USP9Y: variants seen among roughly 807,000 people sequenced by gnomAD.
The protein encoded by USP9Y is ubiquitin carboxyl-terminal hydrolase 9Y.
A neutral mutation model predicts 53.1 loss-of-function variants in USP9Y; 41 were observed. The ratio of observed to expected loss-of-function variants is 0.77; its 90% CI spans 0.60 to 1.00. The LOEUF is 1.00. Among genes scored for constraint, USP9Y ranks in the 50% least tolerant of loss-of-function variants. The pLI is 0.00. For synonymous variants in USP9Y, 220 were observed against 173.7 expected, an observed-to-expected ratio of 1.27 and a Z score of -2.09; for missense variants, 567 against 535.8, an observed-to-expected ratio of 1.06 and a Z score of -0.58.
intron 33 of USP9Y, among the ~76,000 whole-genome samples, chrY:12,828,004 C>T: frequency 3.0e-5 from 1 of 32,869 alleles, no homozygotes; most frequent in Non-Finnish European, 7.4e-5. Context: ...CAGCTGATAA[C>T]ACACTGCAGA....
At chrY:12,858,357 A>G (rs2053579786) in intron 45 of USP9Y, among the ~76,000 whole-genome samples, 1 of 30,673 alleles carries the variant, frequency 3.3e-5, no homozygotes, top group South Asian at 7.6e-4. Context: ...TTTTTGAGAG[A>G]GTCTCACCCT....
intron 33 of USP9Y, among the ~76,000 whole-genome samples, chrY:12,820,032 C>A (rs2053539645): frequency 3.1e-5 from 1 of 32,179 alleles, no homozygotes; most frequent in Admixed American, 2.8e-4. Context: ...CTACCTGGGA[C>A]GCTGAGGCAG....
intron 6 of USP9Y, 38 bp from the exon 7 acceptor site, chrY:12,726,534 GTTC>G (rs778847418): frequency 3.1e-6 from 1 of 320,839 alleles, no homozygotes; most frequent in Non-Finnish European, 4.7e-6. Context: ...ATTGCAATGT[GTTC>G]TTATTATAAA....
At chrY:12,716,634 C>T (rs2053430876) in intron 3 of USP9Y, among the ~76,000 whole-genome samples, 1 of 33,428 alleles carries the variant, frequency 3.0e-5, no homozygotes, top group African/African-American at 1.2e-4. Flanking sequence ...GGCGGAGTCT[C>T]GCTCTGTTGC....
rs1475354375 is a variant in USP9Y at position 12,856,855 on chromosome Y, A to G, written c.7434+10A>G. 2.6e-6 allele frequency: 1 copy of G among 381,563 alleles called. No homozygotes were observed. The highest frequency in any genetic ancestry group is 3.1e-5 in the South Asian group (1 of 32,077). ...ACTCTGTCCAGAAGAGGTAAAAAAA[A>G]AAAAGGCTACCAATGGACAGCAGAT... is the stretch of plus-strand genomic sequence containing the variant. On this transcript the variant is annotated intron_variant, in intron 44 of 45. Transcript: ENST00000338981.
chrY:12,778,668 C>G lies in USP9Y; in HGVS notation c.2943C>G (p.Ser981=). 1 of 396,282 alleles carries G rather than the reference C, an allele frequency of 2.5e-6. No individual in the cohort carries two copies. Among genetic ancestry groups the G allele is most frequent in the Non-Finnish European group, 3.6e-6 (1 of 281,392 alleles). The change falls in exon 21 of 46, where the codon TCC becomes TCG. Residue 981 remains serine, a synonymous_variant. Transcript: ENST00000338981. ...TGCCATCAAGTCCTGATAGCTCTTCCGATTCCTCAACTGCATCTCCTGGAA... is the reference window on the plus strand; with the variant it reads ...TGCCATCAAGTCCTGATAGCTCTTCGGATTCCTCAACTGCATCTCCTGGAA... ...FNMPSSPDSS[S]DSSTASPGNH... is the part of the protein sequence containing the mutation.
At chrY:12,729,667 C>G in intron 7 of USP9Y, among the ~76,000 whole-genome samples, 1 of 32,602 alleles carries the variant, frequency 3.1e-5, no homozygotes, top group South Asian at 6.9e-4. Flanking sequence ...GTCTTGAACT[C>G]CTGAGCTCAA....
chrY:12,705,490 A>AT (rs1489124399), intron 1 of USP9Y, among the ~76,000 whole-genome samples: 9 of 26,327 alleles, frequency 3.4e-4, no homozygotes, highest in Non-Finnish European at 6.5e-4. Flanking sequence ...TTCCTTGTTG[A>AT]TTTTTTTTTT....
chrY:12,729,304 GCATCT>G (rs2053445356), intron 7 of USP9Y, among the ~76,000 whole-genome samples: 1 of 34,175 alleles, frequency 2.9e-5, no homozygotes, highest in East Asian at 7.7e-4. Flanking sequence ...AGCTTTTGCC[GCATCT>G]CATAAGTTTG....
intron 15 of USP9Y, 88 bp from the exon 16 acceptor site, chrY:12,770,980 G>A (rs974526900): frequency 4.9e-6 from 1 of 203,086 alleles, no homozygotes; most frequent in Non-Finnish European, 8.8e-6. Flanking sequence ...TAATGAGAAT[G>A]ATTATTAACT....
In USP9Y at chrY:12,841,145, T is replaced by C; in HGVS notation, c.6212+12T>C. 2.5e-6 allele frequency: 1 copy of C among 394,827 alleles called. No individual in the cohort carries two copies. The highest frequency in any genetic ancestry group is 3.6e-6 in the Non-Finnish European group (1 of 280,510). ...CCTGCCAGTGACTGGTACATGGTTTTGGATTTCATTCTTATAGTACTTATA... is the reference window on the plus strand; with the variant it reads ...CCTGCCAGTGACTGGTACATGGTTTCGGATTTCATTCTTATAGTACTTATA... On this transcript the variant is annotated intron_variant, in intron 37 of 45. Transcript: ENST00000338981.
At chrY:12,804,167 C>T (rs2053521690) in intron 27 of USP9Y, among the ~76,000 whole-genome samples, 1 of 33,334 alleles carries the variant, frequency 3.0e-5, no homozygotes, top group Non-Finnish European at 7.4e-5. Flanking sequence ...TTACTATTCC[C>T]TTTTGTGGTT....
At chrY:12,764,691 C>T in intron 15 of USP9Y, among the ~76,000 whole-genome samples, 1 of 33,290 alleles carries the variant, frequency 3.0e-5, no homozygotes, top group African/African-American at 1.2e-4. Context: ...TAAAAGGAAA[C>T]TTTAGGTAAA....
intron 35 of USP9Y, 26 bp from the exon 36 acceptor site, chrY:12,839,838 T>A: frequency 2.6e-6 from 1 of 387,132 alleles, no homozygotes; most frequent in African/African-American, 6.4e-5. Context: ...AAGAGAACAT[T>A]TGTTTATATT....
At chrY:12,769,438 G>T in intron 15 of USP9Y, among the ~76,000 whole-genome samples, 1 of 33,905 alleles carries the variant, frequency 2.9e-5, no homozygotes, top group Non-Finnish European at 7.3e-5. Flanking sequence ...AAGTGTGAAC[G>T]TTACAAGGTC....
intron 33 of USP9Y, among the ~76,000 whole-genome samples, chrY:12,829,765 A>G: frequency 3.0e-5 from 1 of 33,504 alleles, no homozygotes; most frequent in Non-Finnish European, 7.4e-5. Context: ...AAACTTAACC[A>G]AAGAAGATAA....
intron 21 of USP9Y, 68 bp from the exon 22 acceptor site, chrY:12,779,458 T>A: frequency 2.8e-6 from 1 of 353,969 alleles, no homozygotes. Context: ...AGTGGATAAA[T>A]TTTCATTAAC....
chrY:12,752,190 A>G (rs2053464619), intron 12 of USP9Y, among the ~76,000 whole-genome samples: 1 of 33,166 alleles, frequency 3.0e-5, no homozygotes, highest in South Asian at 6.7e-4. Flanking sequence ...AATTCTGTAT[A>G]TCGGTTTGGG....
chrY:12,753,730 GCA>G (rs2053466013), intron 12 of USP9Y, among the ~76,000 whole-genome samples: 1 of 33,282 alleles, frequency 3.0e-5, no homozygotes, highest in Non-Finnish European at 7.4e-5. Context: ...TTTGATGTCA[GCA>G]CAGTCTGCAG....
Sources: gnomAD v4.1 joint callset for allele counts (sites outside exome capture counted in the v4.1 genomes callset) on GRCh38, gnomAD v4.1.1 for gene constraint, MANE v1.5 for transcripts, NCBI Gene and HGNC (gene_info 2026-07-23, HGNC 2026-07-21) for gene names.